Variants in GMDS observed in about 807,000 individuals in gnomAD.
The protein encoded by GMDS is GDP-mannose 4,6-dehydratase.
A neutral mutation model predicts 49.9 loss-of-function variants in GMDS; 20 were observed. That is an observed-to-expected ratio of 0.40 (90% CI 0.28 to 0.58). The LOEUF (loss-of-function observed/expected upper bound fraction) is 0.58, where lower values mean the gene tolerates loss of function less well. Ranked by LOEUF, GMDS falls within the 20% of genes least tolerant of loss-of-function variation. The pLI is 0.42. For missense variants in GMDS, 362 were observed against 481.4 expected (o/e 0.75, Z 2.32); for synonymous variants, 177 against 178.6 (o/e 0.99, Z 0.07).
At chr6:2,007,053 A>C (rs1767232116) in intron 4 of GMDS, among the ~76,000 whole-genome samples, 1 of 152,224 alleles carries the variant, frequency 6.6e-6, no homozygotes, top group Non-Finnish European at 1.5e-5. Flanking sequence ...ACTCTTATAA[A>C]CACAATAGAA....
At chr6:2,046,635 A>AT (rs1282879203) in intron 4 of GMDS, among the ~76,000 whole-genome samples, 1 of 151,810 alleles carries the variant, frequency 6.6e-6, no homozygotes, top group Non-Finnish European at 1.5e-5. Context: ...AATTTTTTGT[A>AT]TTTTTTTGTG....
At chr6:2,159,944 A>G (rs1777308368) in intron 1 of GMDS, among the ~76,000 whole-genome samples, 1 of 152,200 alleles carries the variant, frequency 6.6e-6, no homozygotes, top group Non-Finnish European at 1.5e-5. Flanking sequence ...GTCAACTGTA[A>G]TATATAAAAT....
intron 9 of GMDS, among the ~76,000 whole-genome samples, chr6:1,710,989 AAAACTTGGGGCTGGAGAAG>A (rs1195145009): frequency 6.6e-6 from 1 of 152,196 alleles, no homozygotes; most frequent in Non-Finnish European, 1.5e-5. Flanking sequence ...AAGCCAAGCA[AAAACTTGGGGCTGGAGAAG>A]AAAGGAGCCG....
At chr6:2,026,485 G>A (rs192878148) in intron 4 of GMDS, among the ~76,000 whole-genome samples, 75 of 152,268 alleles carry the variant, frequency 4.9e-4, no homozygotes, top group Non-Finnish European at 9.1e-4. Context: ...CGCACACATC[G>A]TTTCTCTTAG....
chr6:2,125,094 T>C (rs1198733824), intron 1 of GMDS, among the ~76,000 whole-genome samples: 1 of 152,164 alleles, frequency 6.6e-6, no homozygotes, highest in Non-Finnish European at 1.5e-5. Flanking sequence ...TGCCTTGGTG[T>C]CATAGCAACA....
chr6:1,627,260 G>A (rs1762873299), intron 9 of GMDS, among the ~76,000 whole-genome samples: 1 of 152,194 alleles, frequency 6.6e-6, no homozygotes, highest in Non-Finnish European at 1.5e-5. Context: ...AAAAGATATA[G>A]TCAATGGTTC....
rs546167872 is a variant in GMDS, at chr6:1,630,701, C to T, written c.988-6161G>A. Among the ~76,000 whole-genome samples, 7 of 152,326 alleles carry T rather than the reference C, an allele frequency of 4.6e-5. No homozygotes were observed. The East Asian group carries it at 9.6e-4, about 21-fold the overall frequency. ...CATCATACCTATTTACAAGGTGCTGCGTCTGTCTGTACCTGTTCTACATCT... is the reference window on the plus strand; with the variant it reads ...CATCATACCTATTTACAAGGTGCTGTGTCTGTCTGTACCTGTTCTACATCT... On this transcript the variant is annotated intron_variant, in intron 9 of 10. Transcript: ENST00000380815.
intron 9 of GMDS, among the ~76,000 whole-genome samples, chr6:1,637,326 C>T (rs1340384708): frequency 1.3e-5 from 2 of 152,244 alleles, no homozygotes; most frequent in African/African-American, 2.4e-5. Context: ...TCCCGGCCGG[C>T]CCCGCAGACA....
At chr6:2,073,452 G>T (rs1021467367) in intron 4 of GMDS, among the ~76,000 whole-genome samples, 1 of 152,176 alleles carries the variant, frequency 6.6e-6, no homozygotes, top group Non-Finnish European at 1.5e-5. Context: ...TCAAGTTAGG[G>T]TGTTTGGGGT....
chr6:1,863,607 C>G (rs1407299730), intron 7 of GMDS, among the ~76,000 whole-genome samples: 2 of 152,116 alleles, frequency 1.3e-5, no homozygotes, highest in African/African-American at 2.4e-5. Context: ...TTTAAAAATT[C>G]TGACACGTCC....
chr6:1,875,109 A>G (rs890118887), intron 7 of GMDS, among the ~76,000 whole-genome samples: 8 of 152,108 alleles, frequency 5.3e-5, no homozygotes, highest in African/African-American at 1.9e-4. Flanking sequence ...TGGGTTACCT[A>G]TTCTTGGGTA....
intron 7 of GMDS, among the ~76,000 whole-genome samples, chr6:1,827,172 T>C (rs905559356): frequency 1.4e-5 from 2 of 147,386 alleles, no homozygotes; most frequent in Non-Finnish European, 3.0e-5. Context: ...CACACACACA[T>C]ATCCAGGATA....
intron 7 of GMDS, among the ~76,000 whole-genome samples, chr6:1,856,946 A>G (rs973561992): frequency 6.6e-6 from 1 of 152,180 alleles, no homozygotes; most frequent in Admixed American, 6.5e-5. Context: ...TGAGTTTGTA[A>G]GTTTTTCAGC....
At chr6:1,712,239 TACTCCGGTATCTTTGATCATAAGA>T (rs1425805298) in intron 9 of GMDS, among the ~76,000 whole-genome samples, 1 of 152,264 alleles carries the variant, frequency 6.6e-6, no homozygotes, top group African/African-American at 2.4e-5. Flanking sequence ...TATTCTGCAA[TACTCCGGTATCTTTGATCATAAGA>T]TCTCAACATG....
intron 9 of GMDS, among the ~76,000 whole-genome samples, chr6:1,673,904 T>C (rs1486181346): frequency 1.5e-5 from 2 of 133,986 alleles, no homozygotes; most frequent in African/African-American, 5.3e-5. Flanking sequence ...AGCATTCCAT[T>C]GGATGAACGT....
At position 1,743,530 on chromosome 6, in the gene GMDS, C is replaced by A. The variant is rs1312179150; in HGVS notation, c.772-944G>T. Among the ~76,000 whole-genome samples the A allele has an allele frequency of 4.5e-4, 50 of 112,096 alleles. No individual in the cohort carries two copies. In the East Asian group the frequency reaches 0.014, roughly 32 times the overall value. The allele number at this position is 112,096 out of a possible 152,430, so 73.5% of individuals were successfully genotyped here. ...TGCACTCCAGCCTGGACGACAGAAC[C>A]AGACTCCATCTCAAAAAAAAAAAAA... On this transcript the variant is annotated intron_variant, in intron 7 of 10. Transcript: ENST00000380815.
chr6:1,724,880 T>A (rs1441471492), intron 9 of GMDS, among the ~76,000 whole-genome samples: 1 of 152,222 alleles, frequency 6.6e-6, no homozygotes, highest in Non-Finnish European at 1.5e-5. Flanking sequence ...GGCCACGCCC[T>A]GTGCCCGGAC....
intron 7 of GMDS, among the ~76,000 whole-genome samples, chr6:1,872,736 GT>G: frequency 6.6e-6 from 1 of 152,380 alleles, no homozygotes; most frequent in Middle Eastern, 3.4e-3. Context: ...CGCTCAAGCT[GT>G]CCCAGCACTT....
At chr6:1,736,714 A>G (rs1767013281) in intron 8 of GMDS, among the ~76,000 whole-genome samples, 1 of 152,196 alleles carries the variant, frequency 6.6e-6, no homozygotes, top group Non-Finnish European at 1.5e-5. Context: ...CACCACATTG[A>G]AAGGTTAGGG....
Sources: allele counts gnomAD v4.1 joint callset (sites outside exome capture counted in the v4.1 genomes callset), GRCh38; gene constraint gnomAD v4.1.1; transcripts MANE v1.5; gene names NCBI Gene and HGNC (gene_info 2026-07-23, HGNC 2026-07-21).